The following KLF8 variants were observed in gnomAD, a reference collection of about 807,000 sequenced individuals.
KLF8 encodes the protein KLF transcription factor 8.
In KLF8, 10 loss-of-function variants were observed where a neutral mutation model predicts 18.2. The observed-to-expected ratio is 0.55, with a 90% CI of 0.34 to 0.93. The LOEUF (loss-of-function observed/expected upper bound fraction) is 0.93, where lower values mean the gene tolerates loss of function less well. KLF8 is among the 40% of genes least tolerant of loss of function. KLF8 has a pLI of 0.02. For missense variants in KLF8, 264 were observed against 277.9 expected (o/e 0.95, Z 0.36); for synonymous variants, 109 against 97.3 (o/e 1.12, Z -0.71).
chrX:56,019,775 C>T, the KLF8 span, among the ~76,000 whole-genome samples: 6 of 111,709 alleles, frequency 5.4e-5, no homozygotes, highest in Admixed American at 5.7e-4. Context: ...CACAAAGTCC[C>T]TGAGGAACAC....
At chrX:56,100,166 T>C in the KLF8 span, among the ~76,000 whole-genome samples, 10 of 111,345 alleles carry the variant, frequency 9.0e-5, no homozygotes, top group East Asian at 5.7e-4. Flanking sequence ...CCAAGGGCTC[T>C]TAAGAATCAT....
intron 3 of KLF8, chrX:56,267,566 C>CA (rs2066988291): frequency 9.1e-6 from 1 of 109,661 alleles, no homozygotes; most frequent in African/African-American, 3.3e-5. Flanking sequence ...GGGGCACAGC[C>CA]AAACCACATC....
the KLF8 span, among the ~76,000 whole-genome samples, chrX:55,914,361 C>T: frequency 9.0e-6 from 1 of 111,707 alleles, no homozygotes; most frequent in Non-Finnish European, 1.9e-5. Context: ...CTCAGTCTTG[C>T]CCTGGAGCTC....
At chrX:56,237,896 T>C (rs1242946220) in intron 1 of KLF8, among the ~76,000 whole-genome samples, 1 of 112,068 alleles carries the variant, frequency 8.9e-6, no homozygotes, top group East Asian at 2.8e-4. Context: ...ATGTGATCTT[T>C]GTACAAATGG....
chrX:56,109,117 C>T, the KLF8 span, among the ~76,000 whole-genome samples: 1 of 111,415 alleles, frequency 9.0e-6, no homozygotes, highest in Admixed American at 9.6e-5. Flanking sequence ...ATGTTCTAGG[C>T]TGAGCATAGT....
chrX:55,945,751 G>C, the KLF8 span, among the ~76,000 whole-genome samples: 1 of 111,038 alleles, frequency 9.0e-6, no homozygotes, highest in Non-Finnish European at 1.9e-5. Context: ...CATTGTCTCA[G>C]CCCAAAATCT....
the KLF8 span, among the ~76,000 whole-genome samples, chrX:55,968,346 C>G: frequency 9.0e-6 from 1 of 111,623 alleles, no homozygotes; most frequent in Admixed American, 9.5e-5. Flanking sequence ...TTGTTTCCTA[C>G]AAGAAATATA....
At chrX:56,029,097 C>T in the KLF8 span, among the ~76,000 whole-genome samples, 1 of 111,053 alleles carries the variant, frequency 9.0e-6, no homozygotes, top group Admixed American at 9.5e-5. Flanking sequence ...GGGCCCCAGG[C>T]TTAACTTCTA....
chrX:56,099,642 A>G, the KLF8 span, among the ~76,000 whole-genome samples: 1 of 112,029 alleles, frequency 8.9e-6, no homozygotes, highest in African/African-American at 3.2e-5. Flanking sequence ...TCTGGTAAAC[A>G]CACCAACACG....
the KLF8 span, among the ~76,000 whole-genome samples, chrX:55,940,631 A>C: frequency 9.0e-6 from 1 of 111,657 alleles, no homozygotes; most frequent in African/African-American, 3.3e-5. Flanking sequence ...AGAAAACCCC[A>C]TTGTCTCAGC....
chrX:56,014,815 A>ATTTT, the KLF8 span: 1 of 57,360 alleles, frequency 1.7e-5, no homozygotes, highest in African/African-American at 8.3e-5. Context: ...CAACAAGATC[A>ATTTT]TGTTTTTTTT....
At chrX:55,917,861 T>G in the KLF8 span, among the ~76,000 whole-genome samples, 1 of 111,871 alleles carries the variant, frequency 8.9e-6, no homozygotes, top group African/African-American at 3.3e-5. Flanking sequence ...TGAAGAAATA[T>G]AGAATTAGAG....
At chrX:56,094,900 G>A in the KLF8 span, among the ~76,000 whole-genome samples, 2 of 111,293 alleles carry the variant, frequency 1.8e-5, no homozygotes, top group Non-Finnish European at 3.8e-5. Flanking sequence ...TGCATTGGAT[G>A]AACCAATGTC....
chrX:56,222,899 G>A, the KLF8 span, among the ~76,000 whole-genome samples: 2 of 112,923 alleles, frequency 1.8e-5, no homozygotes, highest in African/African-American at 6.4e-5. Flanking sequence ...GCCCGCAAGC[G>A]CCGTGTGCAG....
the KLF8 span, among the ~76,000 whole-genome samples, chrX:56,079,693 T>C: frequency 6.9e-3 from 764 of 111,278 alleles, 3 homozygotes; most frequent in Non-Finnish European, 0.011. Flanking sequence ...TTCCTGGGTA[T>C]GGGTATCCTT....
chrX:56,159,996 G>C, the KLF8 span, among the ~76,000 whole-genome samples: 2 of 111,831 alleles, frequency 1.8e-5, no homozygotes, highest in East Asian at 5.6e-4. Flanking sequence ...GTCAGTTTCA[G>C]ATCTTTCCTG....
At chrX:55,991,349 T>G in the KLF8 span, among the ~76,000 whole-genome samples, 1 of 112,127 alleles carries the variant, frequency 8.9e-6, no homozygotes, top group Non-Finnish European at 1.9e-5. Context: ...CTAAGACGAT[T>G]GGAAGGGTGC....
the KLF8 span, among the ~76,000 whole-genome samples, chrX:55,988,559 A>G: frequency 1.8e-5 from 2 of 111,231 alleles, no homozygotes; most frequent in Admixed American, 9.5e-5. Context: ...CCATTGGTCT[A>G]TATCTCTGTT....
chrX:56,262,951 T>C (rs778187426), intron 2 of KLF8, among the ~76,000 whole-genome samples: 1 of 112,302 alleles, frequency 8.9e-6, no homozygotes, highest in Non-Finnish European at 1.9e-5. Context: ...ATGCTTTCTA[T>C]TGTAACTCTA....
Sources: allele counts gnomAD v4.1 joint callset (sites outside exome capture counted in the v4.1 genomes callset), GRCh38; gene constraint gnomAD v4.1.1; transcripts MANE v1.5; gene names NCBI Gene and HGNC (gene_info 2026-07-23, HGNC 2026-07-21).